USP13: variants seen among roughly 807,000 people sequenced by gnomAD.
USP13 encodes ubiquitin carboxyl-terminal hydrolase 13.
In USP13, 68 loss-of-function variants were observed where a neutral mutation model predicts 107.8. The ratio of observed to expected loss-of-function variants is 0.63; its 90% CI spans 0.52 to 0.77. The LOEUF (loss-of-function observed/expected upper bound fraction) is 0.77, where lower values mean the gene tolerates loss of function less well. USP13 is among the 30% of genes least tolerant of loss of function. The pLI is 0.00. For missense variants in USP13, 945 were observed against 1,093.3 expected, an observed-to-expected ratio of 0.86 and a Z score of 1.91; for synonymous variants, 377 against 389.5, an observed-to-expected ratio of 0.97 and a Z score of 0.38.
chr3:179,717,012 G>A (rs1443233752), intron 6 of USP13, among the ~76,000 whole-genome samples: 1 of 152,156 alleles, frequency 6.6e-6, no homozygotes, highest in African/African-American at 2.4e-5. Flanking sequence ...AATGAATGCA[G>A]TTACTCATGA....
intron 1 of USP13, among the ~76,000 whole-genome samples, chr3:179,659,692 G>T (rs1018437492): frequency 1.3e-5 from 2 of 152,180 alleles, no homozygotes; most frequent in Admixed American, 1.3e-4. Flanking sequence ...CAGAGAGTAA[G>T]TAGGAGAGCT....
At chr3:179,731,783 C>T (rs989001795) in intron 10 of USP13, among the ~76,000 whole-genome samples, 2 of 152,166 alleles carry the variant, frequency 1.3e-5, no homozygotes, top group East Asian at 1.9e-4. Flanking sequence ...CTGAGTGGAA[C>T]GCGTGCCCCA....
intron 8 of USP13, 48 bp from the exon 9 acceptor site, chr3:179,730,141 G>A (rs762896422): frequency 1.3e-5 from 20 of 1,549,730 alleles, no homozygotes; most frequent in African/African-American, 2.7e-5. Flanking sequence ...TTTTGGTTCT[G>A]TTCTTCTTGC....
chr3:179,653,478 G>A lies in USP13; in HGVS notation c.168+85G>A. 6.7e-7 allele frequency: 1 copy of A among 1,490,506 alleles called. No individual in the cohort carries two copies. Among genetic ancestry groups the A allele is most frequent in the Admixed American group, 2.1e-5 (1 of 46,822 alleles). The allele number at this position is 1,490,506 out of a possible 1,614,324, so 92.3% of individuals were successfully genotyped here. A position where few individuals can be genotyped will look rare whatever the true frequency, so the allele number is the denominator to read the frequency against. On this transcript the variant is annotated intron_variant, in intron 1 of 20. Transcript: ENST00000263966. The surrounding 1 kb of genome is among the most constrained non-coding windows in gnomAD (Gnocchi z 4.0). ...GGGGAGAAGATGCGCAGTGGCGGCC[G>A]GGACCTCTTCTCTTCCTCCGGGCGG...
At chr3:179,713,551 T>C (rs1409327946) in intron 6 of USP13, among the ~76,000 whole-genome samples, 1 of 152,108 alleles carries the variant, frequency 6.6e-6, no homozygotes, top group Non-Finnish European at 1.5e-5. Flanking sequence ...CGGTGAAGTT[T>C]CCACTGCTGA....
At chr3:179,726,398 A>C (rs944382720) in intron 8 of USP13, among the ~76,000 whole-genome samples, 25 of 152,220 alleles carry the variant, frequency 1.6e-4, no homozygotes, top group African/African-American at 6.0e-4. Context: ...TCTTCTTCCT[A>C]GAGCTTTCAG....
At chr3:179,690,205 A>G in intron 2 of USP13, 36 bp from the exon 3 acceptor site, 1 of 1,594,312 alleles carries the variant, frequency 6.3e-7, no homozygotes, top group Non-Finnish European at 8.6e-7. Flanking sequence ...TTTATTTTAT[A>G]GGCCGCATTT....
intron 1 of USP13, among the ~76,000 whole-genome samples, chr3:179,671,266 C>A (rs1026406834): frequency 1.3e-5 from 2 of 152,186 alleles, no homozygotes; most frequent in East Asian, 1.9e-4. Context: ...TTATTGCCAC[C>A]ATGCTTTACT....
At chr3:179,724,808 T>C (rs937631519) in intron 8 of USP13, among the ~76,000 whole-genome samples, 1 of 152,234 alleles carries the variant, frequency 6.6e-6, no homozygotes, top group African/African-American at 2.4e-5. Flanking sequence ...TTTAATTTTG[T>C]TACAATGGAA....
chr3:179,761,003 C>T, intron 16 of USP13, 109 bp from the exon 17 acceptor site: 1 of 1,357,492 alleles, frequency 7.4e-7, no homozygotes, highest in Non-Finnish European at 1.0e-6. Context: ...CTACACCCAA[C>T]AGAATAGCAC....
rs1028104170 is a variant in USP13, at chr3:179,708,763, G to C, written c.621-10G>C. On this transcript the variant is annotated splice_polypyrimidine_tract_variant and intron_variant, in intron 5 of 20. Transcript: ENST00000263966. ...CTGGCTGTTCTGACTACTCTCCAAT[G>C]GCTTTCCAGTGGTTGGAAGTGTGCC... The C allele has an allele frequency of 6.2e-7, 1 of 1,613,916 alleles. No individual in the cohort carries two copies. Among genetic ancestry groups the C allele is most frequent in the Admixed American group, 1.7e-5 (1 of 59,948 alleles).
chr3:179,695,469 T>C (rs1712290540), intron 3 of USP13, among the ~76,000 whole-genome samples: 1 of 152,010 alleles, frequency 6.6e-6, no homozygotes, highest in South Asian at 2.1e-4. Context: ...GTCAAATCAC[T>C]TTCCCTCCAT....
In USP13 at chr3:179,653,332, G is replaced by A. The variant is rs748058476; in HGVS notation, c.107G>A (p.Arg36His). 44 of 1,578,540 alleles carry A rather than the reference G, an allele frequency of 2.8e-5. No individual in the cohort carries two copies. The highest frequency in any genetic ancestry group is 3.6e-5 in the Non-Finnish European group (42 of 1,162,576). The change falls in exon 1 of 21, where the codon CGC becomes CAC. Residue 36 changes from arginine to histidine, a missense_variant. By Grantham distance (29) the Arg-to-His change is conservative. Transcript: ENST00000263966. This position sits in a 1 kb window ranked among gnomAD's most constrained non-coding sequence, Gnocchi z 4.0. ...CTAGTGCCCCACATGCCCACGATCC[G>A]CGTGCCCAGGTCCGGCGACAGGGTC... ...ELLVPHMPTI[R>H]VPRSGDRVYK... is the part of the protein sequence containing the mutation.
intron 1 of USP13, among the ~76,000 whole-genome samples, chr3:179,662,979 A>G (rs1720496442): frequency 6.6e-6 from 1 of 152,202 alleles, no homozygotes; most frequent in South Asian, 2.1e-4. Context: ...AAGTTGTGAT[A>G]AAATACATAT....
intron 2 of USP13, 32 bp from the exon 3 acceptor site, chr3:179,690,209 C>T (rs200886214): frequency 5.2e-5 from 83 of 1,601,842 alleles, no homozygotes; most frequent in South Asian, 2.9e-4. Context: ...TTTTATAGGC[C>T]GCATTTTAAT....
intron 3 of USP13, among the ~76,000 whole-genome samples, chr3:179,696,897 T>C (rs1712347348): frequency 1.3e-5 from 2 of 152,158 alleles, no homozygotes; most frequent in South Asian, 4.1e-4. Flanking sequence ...CATATATATA[T>C]ATTTTACAAT....
At chr3:179,718,887 G>C (rs1486841853) in intron 6 of USP13, among the ~76,000 whole-genome samples, 4 of 150,554 alleles carry the variant, frequency 2.7e-5, no homozygotes, top group Non-Finnish European at 5.9e-5. Flanking sequence ...CTCCCGAGTA[G>C]CTGGGACTAC....
Position 179,745,105 on chromosome 3 carries a change from G to C in USP13, c.1597G>C (p.Glu533Gln), listed in dbSNP as rs147308215. ...EAEANRRPLP[E>Q]LVRAKIPFSA... ...AGAAGCAAACAGAAGACCCCTTCCT[G>C]AGTTGGTACGTGCCAAGATACCATT... The change falls in exon 13 of 21, where the codon GAG becomes CAG. Residue 533 changes from glutamate (E) to glutamine (Q), a missense_variant. Glu to Gln is a conservative substitution (Grantham distance 29). Transcript: ENST00000263966. The C allele has an allele frequency of 3.6e-5, 58 of 1,614,050 alleles. No individual in the cohort carries two copies. The African/African-American group carries it at 6.7e-4, about 19-fold the overall frequency.
chr3:179,735,608 C>T (rs1238741626), intron 10 of USP13, among the ~76,000 whole-genome samples: 2 of 151,948 alleles, frequency 1.3e-5, no homozygotes, highest in Non-Finnish European at 1.5e-5. Flanking sequence ...TTTTTCTCTT[C>T]CTCTCCTTTT....
Sources: allele counts gnomAD v4.1 joint callset (sites outside exome capture counted in the v4.1 genomes callset), GRCh38; gene constraint gnomAD v4.1.1; non-coding constraint Gnocchi (gnomAD v3.1); transcripts MANE v1.5; gene names NCBI Gene and HGNC (gene_info 2026-07-23, HGNC 2026-07-21).